CPS1: variants seen among roughly 807,000 people sequenced by gnomAD.
CPS1 encodes the protein carbamoyl-phosphate synthase [ammonia], mitochondrial.
CPS1 carries 109 observed loss-of-function variants against 174.6 expected under a neutral mutation model. The observed-to-expected ratio is 0.62, with a 90% confidence interval of 0.53 to 0.73. The LOEUF (loss-of-function observed/expected upper bound fraction) is 0.73, where lower values mean the gene tolerates loss of function less well. CPS1 is among the 30% of genes least tolerant of loss of function. The probability of loss-of-function intolerance (pLI) is 0.00; values close to 1 mark genes in which losing one functional copy is unlikely to be tolerated. For synonymous variants in CPS1, 637 were observed against 632.0 expected (o/e 1.01, Z -0.12); for missense variants, 1,689 against 1,821.9 (o/e 0.93, Z 1.33).
chr2:210,545,205 G>A (rs1278339912), intron 1 of CPS1, among the ~76,000 whole-genome samples: 1 of 152,074 alleles, frequency 6.6e-6, no homozygotes, highest in Non-Finnish European at 1.5e-5. Flanking sequence ...GCCATCCTGT[G>A]TATAAGCTCT....
chr2:210,507,830 A>G (rs1376956164), intron 1 of CPS1, among the ~76,000 whole-genome samples: 28 of 152,250 alleles, frequency 1.8e-4, no homozygotes, highest in Admixed American at 1.6e-3. Context: ...AGAGCTAACT[A>G]TCCTAAATAT....
At chr2:210,615,226 T>A (rs896748467) in intron 20 of CPS1, among the ~76,000 whole-genome samples, 6 of 151,848 alleles carry the variant, frequency 4.0e-5, no homozygotes, top group African/African-American at 1.4e-4. Context: ...TAATTGTGCC[T>A]TTAATCACTT....
intron 6 of CPS1, among the ~76,000 whole-genome samples, chr2:210,585,750 C>T (rs1256511894): frequency 6.6e-6 from 1 of 151,930 alleles, no homozygotes; most frequent in Non-Finnish European, 1.5e-5. Flanking sequence ...CATTGTTTCA[C>T]TCCTTATACC....
rs757362140 is a variant in CPS1 at position 210,668,281 on chromosome 2, C to T, written c.4098C>T (p.Ile1366=). The change falls in exon 34 of 38, where the codon ATC becomes ATT. Residue 1366 remains isoleucine, a synonymous_variant. Coordinates refer to ENST00000233072, the MANE Select transcript of CPS1 (RefSeq NM_001875.5). ...CCCAGAAAGGCATCCTGATAGGCAT[C>T]CAGGTAAGTGGTTTGTGGCTGTGTG... ...KIPQKGILIG[I]QQSFRPRFLG... The T allele has an allele frequency of 1.9e-6, 3 of 1,610,042 alleles. No homozygotes were observed. The highest frequency in any genetic ancestry group is 2.6e-6 in the Non-Finnish European group (3 of 1,176,472).
rs546197480 is a variant in CPS1 at position 210,573,049 on chromosome 2, G to C, written c.127-249G>C. ...GTTAACAACTCTACAAGTAAACTTA[G>C]AATAGACAATGTATCTGCATGCTTC... On this transcript the variant is annotated intron_variant, in intron 1 of 37. Coordinates refer to ENST00000233072, the MANE Select transcript of CPS1 (RefSeq NM_001875.5). Among the ~76,000 whole-genome samples, 157 of 152,118 alleles carry C rather than the reference G, an allele frequency of 1.0e-3. 1 individual carries two copies. The highest frequency in any genetic ancestry group is 1.6e-3 in the Non-Finnish European group (110 of 67,932).
chr2:210,493,292 A>G (rs1250522659), intron 1 of CPS1, among the ~76,000 whole-genome samples: 2 of 152,226 alleles, frequency 1.3e-5, no homozygotes, highest in Non-Finnish European at 2.9e-5. Context: ...AGAATAAATG[A>G]TGAGTTCATT....
In CPS1 at chr2:210,629,959, G is replaced by C. The variant is rs1278683889; in HGVS notation, c.2688-7743G>C. Among the ~76,000 whole-genome samples the C allele has an allele frequency of 2.0e-5, 3 of 151,794 alleles. No individual in the cohort carries two copies. The East Asian group carries it at 5.8e-4, about 29-fold the overall frequency. ...GTGGTGGCAGGCGCCTGTAGTCCCA[G>C]CTACTCGAGAGGCTGAGGCAGGAGA... On this transcript the variant is annotated intron_variant, in intron 21 of 37. Coordinates refer to ENST00000233072, the MANE Select transcript of CPS1 (RefSeq NM_001875.5).
In CPS1 at chr2:210,637,819, AAAC is replaced by A. The variant is rs1559120355; in HGVS notation, c.2807_2809del (p.Asn936del). 1 of 1,613,984 alleles carries A rather than the reference AAAC, an allele frequency of 6.2e-7. No individual in the cohort carries two copies. Among genetic ancestry groups the A allele is most frequent in the Non-Finnish European group, 8.5e-7 (1 of 1,179,898 alleles). ...AGACAAGGGAGCTGAGGTTAAAGAA[AAAC>A]ATCCACCCTTGGGTTAAACAGGTAA... On this transcript the variant is annotated inframe_deletion, in exon 22 of 38. Transcript: ENST00000233072.
At chr2:210,668,335 G>T in intron 34 of CPS1, 51 bp downstream of exon 34, 1 of 1,222,644 alleles carries the variant, frequency 8.2e-7, no homozygotes, top group South Asian at 1.2e-5. Flanking sequence ...TGGTGAGTGG[G>T]GAGGGGCAGG....
chr2:210,622,272 A>G (rs946887481), intron 21 of CPS1, among the ~76,000 whole-genome samples: 1 of 151,736 alleles, frequency 6.6e-6, no homozygotes, highest in Non-Finnish European at 1.5e-5. Flanking sequence ...TGTGTATACC[A>G]TAGATGACTG....
Position 210,496,700 on chromosome 2 carries a change from T to G in CPS1, c.3+18934T>G, listed in dbSNP as rs530226950. Among the ~76,000 whole-genome samples, 4 of 152,256 alleles carry G rather than the reference T, an allele frequency of 2.6e-5. No individual in the cohort carries two copies. In the East Asian group the frequency reaches 7.7e-4, roughly 29 times the overall value. ...CACTACTCTCTTGCTAGCTTCCTGC[T>G]CTTCCTCCAACATGCAGGCACACTT... On this transcript the variant is annotated intron_variant, in intron 1 of 38. Transcript: ENST00000430249.
At chr2:210,538,977 G>A (rs750086202) in intron 1 of CPS1, among the ~76,000 whole-genome samples, 3 of 152,088 alleles carry the variant, frequency 2.0e-5, no homozygotes, top group Non-Finnish European at 4.4e-5. Context: ...GGTAAAAATT[G>A]TAGTACTGGT....
chr2:210,602,473 G>A (rs1698761593), intron 16 of CPS1, 143 bp downstream of exon 16: 1 of 1,094,764 alleles, frequency 9.1e-7, no homozygotes, highest in Non-Finnish European at 1.4e-6. Flanking sequence ...TATTCCAAAA[G>A]ATGACACTTT....
At chr2:210,609,106 T>A (rs916778874) in intron 19 of CPS1, among the ~76,000 whole-genome samples, 2 of 152,092 alleles carry the variant, frequency 1.3e-5, no homozygotes, top group African/African-American at 4.8e-5. Flanking sequence ...AGTAGATTAT[T>A]AAGCCCTCTT....
intron 1 of CPS1, among the ~76,000 whole-genome samples, chr2:210,494,541 A>G (rs1283408724): frequency 6.6e-6 from 1 of 152,206 alleles, no homozygotes; most frequent in African/African-American, 2.4e-5. Flanking sequence ...AAACGGCCCT[A>G]TTGTCAAGAT....
chr2:210,517,980 G>A (rs919331856), intron 1 of CPS1, among the ~76,000 whole-genome samples: 3 of 151,906 alleles, frequency 2.0e-5, no homozygotes, highest in Admixed American at 6.6e-5. Context: ...ACTGAAATTT[G>A]TTCATTTTCC....
chr2:210,507,843 A>G (rs1234433714), intron 1 of CPS1, among the ~76,000 whole-genome samples: 2 of 152,074 alleles, frequency 1.3e-5, no homozygotes, highest in Non-Finnish European at 2.9e-5. Flanking sequence ...CTAAATATAT[A>G]TGCACCCAAT....
chr2:210,647,172 A>T (rs572580377), intron 25 of CPS1, among the ~76,000 whole-genome samples: 9 of 152,128 alleles, frequency 5.9e-5, no homozygotes, highest in Non-Finnish European at 1.3e-4. Context: ...GGGACCTGAG[A>T]TCTAGGCTGG....
intron 1 of CPS1, among the ~76,000 whole-genome samples, chr2:210,495,801 T>G (rs558892696): frequency 6.6e-6 from 1 of 152,290 alleles, no homozygotes; most frequent in South Asian, 2.1e-4. Context: ...CATTTCTCTC[T>G]TATTTGTCAC....
Sources: gnomAD v4.1 joint callset for allele counts (sites outside exome capture counted in the v4.1 genomes callset) on GRCh38, gnomAD v4.1.1 for gene constraint, MANE v1.5 for transcripts, NCBI Gene and HGNC (gene_info 2026-07-23, HGNC 2026-07-21) for gene names.